Variants in CPNE3 observed in about 807,000 individuals in gnomAD.
CPNE3 encodes the protein copine 3.
In CPNE3, 68 loss-of-function variants were observed where a neutral mutation model predicts 63.9. The ratio of observed to expected loss-of-function variants is 1.06; its 90% CI spans 0.87 to 1.30. CPNE3 has a LOEUF of 1.30. CPNE3 is among the 50% of genes most tolerant of loss of function. The pLI is 0.00. For missense variants in CPNE3, 665 were observed against 578.1 expected (o/e 1.15, Z -1.54); for synonymous variants, 219 against 197.5 (o/e 1.11, Z -0.91).
chr8:86,552,549 G>A lies in CPNE3; in HGVS notation c.1120+1315G>A, dbSNP rs1542080. 3.9e-5 allele frequency among the ~76,000 whole-genome samples: 6 copies of A among 152,160 alleles called. No homozygotes were observed. In the East Asian group the frequency reaches 1.2e-3, roughly 29 times the overall value. ...GAAGTTCAGTCACTCTGTGAGTAAT[G>A]TAAGCCCATCCTTGGGCTGTTCACC... is the stretch of plus-strand genomic sequence containing the variant. On this transcript the variant is annotated intron_variant, in intron 14 of 16. Coordinates refer to ENST00000517490, the MANE Select transcript of CPNE3 (RefSeq NM_003909.5).
chr8:86,543,801 A>T (rs1563695416), intron 8 of CPNE3, among the ~76,000 whole-genome samples: 1 of 152,184 alleles, frequency 6.6e-6, no homozygotes, highest in African/African-American at 2.4e-5. Context: ...AAGTGAAATA[A>T]TCTGTTTTGA....
chr8:86,535,559 T>C (rs1484535119), intron 6 of CPNE3, among the ~76,000 whole-genome samples: 1 of 151,946 alleles, frequency 6.6e-6, no homozygotes. Context: ...TCCCAACTAC[T>C]CAAGAGGATG....
chr8:86,547,626 G>A (rs1821082179), intron 10 of CPNE3, 85 bp from the exon 11 acceptor site: 2 of 715,216 alleles, frequency 2.8e-6, no homozygotes, highest in East Asian at 5.4e-5. Context: ...TCAATTTACA[G>A]ACTTTTAAAA....
chr8:86,549,836 G>A (rs1390544567), intron 12 of CPNE3, among the ~76,000 whole-genome samples: 1 of 152,146 alleles, frequency 6.6e-6, no homozygotes, highest in African/African-American at 2.4e-5. Context: ...TCCCTTTTAG[G>A]GGCATGATTC....
At chr8:86,550,343 G>A (rs1047726067) in intron 12 of CPNE3, among the ~76,000 whole-genome samples, 4 of 152,074 alleles carry the variant, frequency 2.6e-5, no homozygotes, top group African/African-American at 9.7e-5. Flanking sequence ...CCACTTCCTG[G>A]ACCCAAGCAA....
intron 2 of CPNE3, 127 bp from the exon 3 acceptor site, chr8:86,528,409 C>T (rs1201892718): frequency 2.1e-6 from 2 of 941,504 alleles, no homozygotes; most frequent in Admixed American, 2.7e-5. Context: ...CAGTCTGATT[C>T]TGGCAAGTTC....
intron 15 of CPNE3, among the ~76,000 whole-genome samples, chr8:86,555,212 A>G (rs1346186124): frequency 6.6e-6 from 1 of 151,446 alleles, no homozygotes; most frequent in Non-Finnish European, 1.5e-5. Context: ...CCTTGGAATT[A>G]ACTTTCTTAG....
At chr8:86,550,455 G>A (rs564413510) in intron 12 of CPNE3, among the ~76,000 whole-genome samples, 23 of 152,208 alleles carry the variant, frequency 1.5e-4, no homozygotes, top group African/African-American at 5.1e-4. Context: ...AATATTCCTC[G>A]TAGAAAAATT....
chr8:86,552,109 G>A (rs1821193928), intron 14 of CPNE3, among the ~76,000 whole-genome samples: 1 of 152,228 alleles, frequency 6.6e-6, no homozygotes, highest in Non-Finnish European at 1.5e-5. Flanking sequence ...GTAGGTGTGG[G>A]AGCAGAGGCA....
chr8:86,537,959 C>CCT (rs1417341718), intron 7 of CPNE3, among the ~76,000 whole-genome samples: 2 of 139,784 alleles, frequency 1.4e-5, no homozygotes, highest in African/African-American at 5.6e-5. Context: ...TATCTCTGTC[C>CCT]CTCTCTGTCT....
At chr8:86,535,648 A>G (rs982807938) in intron 6 of CPNE3, among the ~76,000 whole-genome samples, 13 of 152,200 alleles carry the variant, frequency 8.5e-5, no homozygotes, top group Non-Finnish European at 1.5e-5. Context: ...AGCCTGGGTG[A>G]CGTCTCCAAA....
At chr8:86,528,865 A>G in intron 3 of CPNE3, 80 bp from the exon 4 acceptor site, 2 of 1,364,996 alleles carry the variant, frequency 1.5e-6, no homozygotes, top group Middle Eastern at 2.1e-4. Flanking sequence ...GCCTATGTTT[A>G]TGTTTAGTAT....
intron 6 of CPNE3, among the ~76,000 whole-genome samples, chr8:86,534,762 T>A (rs1325775802): frequency 6.6e-6 from 1 of 152,220 alleles, no homozygotes; most frequent in African/African-American, 2.4e-5. Context: ...CCACATTAAG[T>A]ATTTATTTAC....
chr8:86,516,992 T>C (rs1231655026), intron 2 of CPNE3, among the ~76,000 whole-genome samples: 1 of 152,220 alleles, frequency 6.6e-6, no homozygotes, highest in Non-Finnish European at 1.5e-5. Flanking sequence ...GTCACTTCCA[T>C]TGGTGGTACT....
At chr8:86,540,640 C>G (rs577052130) in intron 8 of CPNE3, among the ~76,000 whole-genome samples, 5 of 152,082 alleles carry the variant, frequency 3.3e-5, no homozygotes, top group Admixed American at 3.3e-4. Flanking sequence ...TAAGATTCCT[C>G]TGCTCTGCTA....
rs982599868 is a variant in CPNE3 at position 86,554,912 on chromosome 8, A to G, written c.1182A>G (p.Pro394=). ...TTCCTCAGATAAAACTCTATGGACC[A>G]ACTAATTTTTCTCCAATCATAAATC... is the stretch of plus-strand genomic sequence containing the variant. ...SCLPQIKLYG[P]TNFSPIINHV... is the part of the protein sequence containing the mutation. Residue 394 remains proline (P), a synonymous_variant, in exon 15 of 17, where the codon CCA becomes CCG. Transcript: ENST00000517490. 2 of 1,614,168 alleles carry G rather than the reference A, an allele frequency of 1.2e-6. No individual in the cohort carries two copies.
At chr8:86,526,222 C>T (rs1420643215) in intron 2 of CPNE3, among the ~76,000 whole-genome samples, 1 of 150,144 alleles carries the variant, frequency 6.7e-6, no homozygotes, top group African/African-American at 2.5e-5. Flanking sequence ...AGCAAGACTC[C>T]GTCTCAAAAA....
In CPNE3 at chr8:86,528,988, T is replaced by A; in HGVS notation, c.176T>A (p.Phe59Tyr). 3 of 1,613,806 alleles carry A rather than the reference T, an allele frequency of 1.9e-6. No individual in the cohort carries two copies. The highest frequency in any genetic ancestry group is 2.5e-6 in the Non-Finnish European group (3 of 1,179,928). Residue 59 changes from phenylalanine to tyrosine, a missense_variant, in exon 4 of 17, where the codon TTT (phenylalanine) becomes TAT (tyrosine). Transcript: ENST00000517490. ...ATTAAGAATTGCTTGAATCCCCAAT[T>A]TTCCAAGACATTTATTATTGATTAC... is the stretch of plus-strand genomic sequence containing the variant. ...ERIKNCLNPQ[F>Y]SKTFIIDYYF...
chr8:86,515,493 A>T lies in CPNE3; in HGVS notation c.-17A>T, dbSNP rs998484427. 2.6e-5 allele frequency: 4 copies of T among 152,212 alleles called. No individual in the cohort carries two copies. Among genetic ancestry groups the T allele is most frequent in the African/African-American group, 9.7e-5 (4 of 41,448 alleles). 9.4% of individuals were successfully genotyped at this position (152,212 alleles called of 1,614,324 possible). A position where few individuals can be genotyped will look rare whatever the true frequency, so the allele number is the denominator to read the frequency against. On this transcript the variant is annotated 5_prime_UTR_variant, in exon 2 of 17. Transcript: ENST00000517490. ...CAGGTTGAATAATTCATCAAATTAC[A>T]CAACTGGTAAGTGGTGGCATTAGGG...
Sources: gnomAD v4.1 joint callset for allele counts (sites outside exome capture counted in the v4.1 genomes callset) on GRCh38, gnomAD v4.1.1 for gene constraint, MANE v1.5 for transcripts, NCBI Gene and HGNC (gene_info 2026-07-23, HGNC 2026-07-21) for gene names.